The following PIAS1 variants were observed in gnomAD, a reference collection of about 807,000 sequenced individuals.
PIAS1 encodes the protein protein inhibitor of activated STAT 1.
A neutral mutation model predicts 71.3 loss-of-function variants in PIAS1; 6 were observed. The observed-to-expected ratio is 0.08, with a 90% CI of 0.05 to 0.17. The LOEUF (loss-of-function observed/expected upper bound fraction) is 0.17, where lower values mean the gene tolerates loss of function less well. Among genes scored for constraint, PIAS1 ranks in the 10% least tolerant of loss-of-function variants. The pLI is 1.00. For missense variants in PIAS1, 555 were observed against 793.6 expected (o/e 0.70, Z 3.61); for synonymous variants, 303 against 292.9 (o/e 1.03, Z -0.35).
chr15:68,152,090 C>T (rs2092851300), intron 6 of PIAS1, among the ~76,000 whole-genome samples: 1 of 151,014 alleles, frequency 6.6e-6, no homozygotes, highest in African/African-American at 2.4e-5. Flanking sequence ...GCTGGGACTA[C>T]AGGCACGTGC....
chr15:68,142,408 T>A, intron 4 of PIAS1, 71 bp downstream of exon 4: 1 of 1,141,004 alleles, frequency 8.8e-7, no homozygotes, highest in Non-Finnish European at 1.3e-6. Context: ...CGGGTCCAGT[T>A]AAGGTACAGT....
At chr15:68,169,978 C>G (rs2092981285) in intron 8 of PIAS1, among the ~76,000 whole-genome samples, 1 of 152,126 alleles carries the variant, frequency 6.6e-6, no homozygotes, top group South Asian at 2.1e-4. Flanking sequence ...CACCAGAACT[C>G]ATACTCAGGC....
At chr15:68,137,424 T>TA (rs1468948430) in intron 2 of PIAS1, among the ~76,000 whole-genome samples, 1 of 152,164 alleles carries the variant, frequency 6.6e-6, no homozygotes, top group African/African-American at 2.4e-5. Context: ...TATAGTTTGA[T>TA]ATGAGAATGA....
At chr15:68,164,594 T>C (rs1021611850) in intron 7 of PIAS1, 137 bp from the exon 8 acceptor site, 2 of 490,296 alleles carry the variant, frequency 4.1e-6, no homozygotes, top group Non-Finnish European at 3.6e-6. Context: ...TATGGTTGTT[T>C]TTATCTTTCC....
chr15:68,190,569 A>G lies in PIAS1; in HGVS notation c.*2734A>G, dbSNP rs1322992936. 2.0e-5 allele frequency: 3 copies of G among 152,130 alleles called. No homozygotes were observed. The East Asian group carries it at 5.8e-4, about 29-fold the overall frequency. 9.4% of individuals were successfully genotyped at this position (152,130 alleles called of 1,614,324 possible). The stretch of plus-strand genomic sequence containing the variant: ...AATAGCAGTTCTCAGAATCTAGTCA[A>G]GTTGCCATCATCCCCCTTGCCTTGG... On this transcript the variant is annotated 3_prime_UTR_variant, in exon 14 of 14. Transcript: ENST00000249636. The surrounding 1 kb of genome is among the most constrained non-coding windows in gnomAD (Gnocchi z 4.7).
intron 1 of PIAS1, among the ~76,000 whole-genome samples, chr15:68,082,525 G>A (rs1237489709): frequency 6.6e-6 from 1 of 152,122 alleles, no homozygotes; most frequent in East Asian, 1.9e-4. Flanking sequence ...TGGAAAAATG[G>A]TGTAGTTATT....
intron 2 of PIAS1, among the ~76,000 whole-genome samples, chr15:68,090,886 T>C (rs1375486088): frequency 1.3e-5 from 2 of 151,956 alleles, no homozygotes; most frequent in East Asian, 3.9e-4. Context: ...AGATAAACTT[T>C]TAAAATACTT....
rs1306269545 is a variant in PIAS1 at position 68,134,708 on chromosome 15, G to C, written c.470-7238G>C. ...TCCCTCCCGGAAGGGGTGGCTGGCC[G>C]GGCGGGGGCTGACCCCCCCACCTCC... is the stretch of plus-strand genomic sequence containing the variant. On this transcript the variant is annotated intron_variant, in intron 2 of 13. Transcript: ENST00000249636. Among the ~76,000 whole-genome samples, 3 of 35,528 alleles carry C rather than the reference G, an allele frequency of 8.4e-5. No homozygotes were observed. In the South Asian group the frequency reaches 2.2e-3, roughly 26 times the overall value. 23.3% of individuals were successfully genotyped at this position (35,528 alleles called of 152,430 possible). A position where few individuals can be genotyped will look rare whatever the true frequency, so the allele number is the denominator to read the frequency against.
At chr15:68,164,674 A>G (rs769582247) in intron 7 of PIAS1, 57 bp from the exon 8 acceptor site, 2 of 884,854 alleles carry the variant, frequency 2.3e-6, no homozygotes, top group Non-Finnish European at 3.7e-6. Flanking sequence ...ATGCTCCAGT[A>G]ATGTATCTTT....
rs2093124463 is a variant in PIAS1, at chr15:68,192,399, A to G, written c.*4564A>G. Reference sequence around the variant, plus strand: ...CTGTTTTTGTATTCTTAAGGCAGCCAAATCTCGTAAACCTCAGACCCCACA... The same window carrying G: ...CTGTTTTTGTATTCTTAAGGCAGCCGAATCTCGTAAACCTCAGACCCCACA... On this transcript the variant is annotated 3_prime_UTR_variant, in exon 14 of 14. Coordinates refer to ENST00000249636, the MANE Select transcript of PIAS1 (RefSeq NM_016166.3). 6.6e-6 allele frequency: 1 copy of G among 152,232 alleles called. No individual in the cohort carries two copies. Among genetic ancestry groups the G allele is most frequent in the African/African-American group, 2.4e-5 (1 of 41,448 alleles). The allele number at this position is 152,232 out of a possible 1,614,324, so 9.4% of individuals were successfully genotyped here.
chr15:68,124,912 C>A (rs982181165), intron 2 of PIAS1, among the ~76,000 whole-genome samples: 2 of 152,122 alleles, frequency 1.3e-5, no homozygotes, highest in East Asian at 1.9e-4. Flanking sequence ...CAAATTGTTG[C>A]ATTTTCAGTT....
At chr15:68,080,747 T>A (rs2092221466) in intron 1 of PIAS1, among the ~76,000 whole-genome samples, 1 of 152,244 alleles carries the variant, frequency 6.6e-6, no homozygotes, top group South Asian at 2.1e-4. Flanking sequence ...CTTTTGTGGA[T>A]GAAAGGCAAA....
At chr15:68,169,916 A>G (rs2092981023) in intron 8 of PIAS1, among the ~76,000 whole-genome samples, 1 of 152,286 alleles carries the variant, frequency 6.6e-6, no homozygotes, top group African/African-American at 2.4e-5. Flanking sequence ...TAAGTAAAAT[A>G]ACATTCAGAA....
In PIAS1 at chr15:68,088,176, G is replaced by GTATGTATATATATATA. The variant is rs1555424823; in HGVS notation, c.469+1429_469+1430insGTATATATATATATAT. ...TTCTTGTCTGTCTGATTATGTGTGT[G>GTATGTATATATATATA]TATATATATATATATATATATATAT... is the stretch of plus-strand genomic sequence containing the variant. On this transcript the variant is annotated intron_variant, in intron 2 of 13. Transcript: ENST00000249636. 1.5e-3 allele frequency among the ~76,000 whole-genome samples: 111 copies of GTATGTATATATATATA among 72,980 alleles called. 3 individuals carry two copies. Among genetic ancestry groups the GTATGTATATATATATA allele is most frequent in the African/African-American group, 5.3e-3 (85 of 16,128 alleles). The allele number at this position is 72,980 out of a possible 152,430, so 47.9% of individuals were successfully genotyped here.
At chr15:68,156,690 C>T (rs1595774527) in intron 7 of PIAS1, among the ~76,000 whole-genome samples, 1 of 122,120 alleles carries the variant, frequency 8.2e-6, no homozygotes, top group African/African-American at 3.1e-5. Flanking sequence ...GCTTGGGCAA[C>T]AGAGAGAGAC....
chr15:68,168,847 G>A (rs1211566674), intron 8 of PIAS1, among the ~76,000 whole-genome samples: 3 of 152,138 alleles, frequency 2.0e-5, no homozygotes, highest in Non-Finnish European at 4.4e-5. Flanking sequence ...AACTCTGTAG[G>A]TCACCTTGTC....
At chr15:68,163,917 C>G (rs1360744330) in intron 7 of PIAS1, among the ~76,000 whole-genome samples, 1 of 152,032 alleles carries the variant, frequency 6.6e-6, no homozygotes, top group Non-Finnish European at 1.5e-5. Flanking sequence ...AATGTTTTTT[C>G]TTGTTACTGT....
chr15:68,088,779 T>C (rs191673848), intron 2 of PIAS1, among the ~76,000 whole-genome samples: 2 of 152,302 alleles, frequency 1.3e-5, no homozygotes, highest in East Asian at 3.9e-4. Flanking sequence ...TTATAAATTC[T>C]TTAACATTAT....
At chr15:68,182,143 A>C (rs960194909) in intron 12 of PIAS1, among the ~76,000 whole-genome samples, 4 of 152,100 alleles carry the variant, frequency 2.6e-5, no homozygotes, top group Non-Finnish European at 5.9e-5. Flanking sequence ...TTGTGGGTAC[A>C]TACTAGGTGT....
Sources: allele counts gnomAD v4.1 joint callset (sites outside exome capture counted in the v4.1 genomes callset), GRCh38; gene constraint gnomAD v4.1.1; non-coding constraint Gnocchi (gnomAD v3.1); transcripts MANE v1.5; gene names NCBI Gene and HGNC (gene_info 2026-07-23, HGNC 2026-07-21).